The following RSRC1 variants were observed in gnomAD, a reference collection of about 807,000 sequenced individuals.
RSRC1 encodes arginine and serine rich coiled-coil 1.
In RSRC1, 39 loss-of-function variants were observed where a neutral mutation model predicts 49.1. The ratio of observed to expected loss-of-function variants is 0.79; its 90% CI spans 0.61 to 1.04. RSRC1 has a LOEUF of 1.04. Among genes scored for constraint, RSRC1 ranks in the 50% least tolerant of loss-of-function variants. The pLI, the probability that RSRC1 is intolerant of heterozygous loss-of-function variation, is 0.00. For synonymous variants in RSRC1, 143 were observed against 130.8 expected (o/e 1.09, Z -0.63); for missense variants, 388 against 402.4 (o/e 0.96, Z 0.31).
chr3:158,139,358 A>G (rs547605907), intron 3 of RSRC1, among the ~76,000 whole-genome samples: 1 of 152,024 alleles, frequency 6.6e-6, no homozygotes, highest in Non-Finnish European at 1.5e-5. Context: ...GTGAGCTGAG[A>G]TCGCGCCACT....
At chr3:158,408,576 G>A (rs1415295501) in intron 6 of RSRC1, among the ~76,000 whole-genome samples, 1 of 152,152 alleles carries the variant, frequency 6.6e-6, no homozygotes, top group Non-Finnish European at 1.5e-5. Flanking sequence ...TTTATCTCCA[G>A]TAATCATTTA....
chr3:158,137,580 A>G (rs1578122898), intron 3 of RSRC1, among the ~76,000 whole-genome samples: 1 of 151,908 alleles, frequency 6.6e-6, no homozygotes, highest in East Asian at 1.9e-4. Context: ...AAATTAGTAG[A>G]TTCAGAATAC....
At chr3:158,236,663 T>C (rs1723264482) in intron 4 of RSRC1, among the ~76,000 whole-genome samples, 1 of 152,212 alleles carries the variant, frequency 6.6e-6, no homozygotes, top group African/African-American at 2.4e-5. Flanking sequence ...CTTTTATTGA[T>C]GAGTAGTATT....
chr3:158,316,470 G>A (rs536232470), intron 5 of RSRC1, among the ~76,000 whole-genome samples: 3 of 108,254 alleles, frequency 2.8e-5, no homozygotes, highest in South Asian at 3.3e-4. Context: ...TTTTTGAGAC[G>A]GAGTCTCGCT....
At chr3:158,235,733 G>A (rs1326021190) in intron 4 of RSRC1, among the ~76,000 whole-genome samples, 2 of 152,168 alleles carry the variant, frequency 1.3e-5, no homozygotes, top group Non-Finnish European at 2.9e-5. Flanking sequence ...TGCATGGTAT[G>A]TATAAAATGG....
intron 7 of RSRC1, among the ~76,000 whole-genome samples, chr3:158,468,644 A>T (rs1353769247): frequency 6.6e-6 from 1 of 152,202 alleles, no homozygotes; most frequent in East Asian, 1.9e-4. Flanking sequence ...TAAAGCACTT[A>T]GAATAATGCC....
intron 4 of RSRC1, among the ~76,000 whole-genome samples, chr3:158,237,243 A>G (rs1296772672): frequency 6.6e-6 from 1 of 152,190 alleles, no homozygotes; most frequent in Non-Finnish European, 1.5e-5. Context: ...TTAATATCTC[A>G]TGAGTAAACA....
chr3:158,244,544 TG>T (rs1393933557), intron 4 of RSRC1, among the ~76,000 whole-genome samples: 5 of 152,226 alleles, frequency 3.3e-5, no homozygotes, highest in Non-Finnish European at 7.3e-5. Context: ...TGAGCATTTT[TG>T]CATCAATGTT....
At chr3:158,437,144 C>T (rs1736085666) in intron 6 of RSRC1, among the ~76,000 whole-genome samples, 1 of 150,972 alleles carries the variant, frequency 6.6e-6, no homozygotes, top group Non-Finnish European at 1.5e-5. Context: ...GGATGGGGAT[C>T]TGAAGAATAT....
intron 3 of RSRC1, 74 bp from the exon 4 acceptor site, chr3:158,202,998 A>G: frequency 8.3e-7 from 1 of 1,201,024 alleles, no homozygotes; most frequent in Admixed American, 2.6e-5. Context: ...TTTTTCAGAT[A>G]ATTTAAAAGA....
chr3:158,523,615 C>A (rs1424356997), intron 7 of RSRC1, among the ~76,000 whole-genome samples: 3 of 151,954 alleles, frequency 2.0e-5, no homozygotes, highest in Non-Finnish European at 4.4e-5. Flanking sequence ...TTAATGAAGT[C>A]TTTTTTACAT....
At chr3:158,188,274 T>G (rs568304496) in intron 3 of RSRC1, among the ~76,000 whole-genome samples, 1 of 152,072 alleles carries the variant, frequency 6.6e-6, no homozygotes, top group East Asian at 1.9e-4. Flanking sequence ...ATTTATAGAT[T>G]AGAACCTCTA....
chr3:158,128,061 G>A (rs1454849750), intron 3 of RSRC1, among the ~76,000 whole-genome samples: 1 of 152,110 alleles, frequency 6.6e-6, no homozygotes, highest in Non-Finnish European at 1.5e-5. Flanking sequence ...CTTTGGTACT[G>A]CTGGCCCTCT....
intron 5 of RSRC1, among the ~76,000 whole-genome samples, chr3:158,325,545 A>T (rs1363874019): frequency 2.0e-5 from 3 of 152,062 alleles, no homozygotes; most frequent in Middle Eastern, 3.4e-3. Flanking sequence ...TTGTAGATGT[A>T]TGGTATTATT....
chr3:158,194,491 CTTTTTTTT>C lies in RSRC1; in HGVS notation c.321-8571_321-8564del, dbSNP rs368635096. On this transcript the variant is annotated intron_variant, in intron 3 of 9. Transcript: ENST00000611884. ...CGAGGAGCTTCAGCACTTTGAGATT[CTTTTTTTT>C]TTTTTTTTTAATTATACATTAAGTT... 4.0e-5 allele frequency among the ~76,000 whole-genome samples: 5 copies of C among 126,572 alleles called. No individual in the cohort carries two copies. In the East Asian group the frequency reaches 9.4e-4, roughly 24 times the overall value. The allele number at this position is 126,572 out of a possible 152,430, so 83.0% of individuals were successfully genotyped here.
chr3:158,178,701 A>G (rs1719404247), intron 3 of RSRC1, among the ~76,000 whole-genome samples: 1 of 152,064 alleles, frequency 6.6e-6, no homozygotes, highest in African/African-American at 2.4e-5. Flanking sequence ...GATCATTGGA[A>G]TTTTTTGGGG....
intron 3 of RSRC1, among the ~76,000 whole-genome samples, chr3:158,180,402 T>TGCCG (rs1318300989): frequency 2.1e-5 from 2 of 96,342 alleles, no homozygotes; most frequent in African/African-American, 8.4e-5. Context: ...TCTTTTTTTT[T>TGCCG]TTTTTTTTTT....
intron 3 of RSRC1, among the ~76,000 whole-genome samples, chr3:158,202,566 A>ATATATATATATG (rs1721113576): frequency 5.8e-5 from 8 of 137,754 alleles, no homozygotes; most frequent in Admixed American, 2.1e-4. Flanking sequence ...GGTAGATTAT[A>ATATATATATATG]TATATATATA....
chr3:158,490,201 C>T (rs1739013077), intron 7 of RSRC1, among the ~76,000 whole-genome samples: 1 of 152,182 alleles, frequency 6.6e-6, no homozygotes, highest in Non-Finnish European at 1.5e-5. Context: ...TCTCCTGCCT[C>T]AGCCTCCCGA....
Sources: allele counts gnomAD v4.1 joint callset (sites outside exome capture counted in the v4.1 genomes callset), GRCh38; gene constraint gnomAD v4.1.1; transcripts MANE v1.5; gene names NCBI Gene and HGNC (gene_info 2026-07-23, HGNC 2026-07-21).